The following ENTPD3 variants were observed in gnomAD, a reference collection of about 807,000 sequenced individuals.
ENTPD3 encodes the protein CD39 antigen-like 3.
ENTPD3 carries 60 observed loss-of-function variants against 51.2 expected under a neutral mutation model. The observed-to-expected ratio is 1.17, with a 90% CI of 0.95 to 1.45. ENTPD3 has a LOEUF of 1.45. Among genes scored for constraint, ENTPD3 ranks in the 40% most tolerant of loss-of-function variants. The probability of loss-of-function intolerance (pLI) is 0.00; values close to 1 mark genes in which losing one functional copy is unlikely to be tolerated. For missense variants in ENTPD3, 593 were observed against 641.1 expected (o/e 0.93, Z 0.81); for synonymous variants, 221 against 238.4 (o/e 0.93, Z 0.67).
intron 7 of ENTPD3, among the ~76,000 whole-genome samples, chr3:40,421,384 T>C (rs1458241748): frequency 6.6e-6 from 1 of 152,154 alleles, no homozygotes; most frequent in African/African-American, 2.4e-5. Flanking sequence ...TTGAACATAG[T>C]TCAAATCCAA....
intron 3 of ENTPD3, among the ~76,000 whole-genome samples, chr3:40,397,524 CAT>C (rs1420460218): frequency 6.6e-6 from 1 of 151,024 alleles, no homozygotes; most frequent in Admixed American, 6.6e-5. Context: ...GATATGATAA[CAT>C]ATGTCTTATA....
chr3:40,393,166 A>T (rs1467292039), intron 3 of ENTPD3, among the ~76,000 whole-genome samples: 1 of 152,164 alleles, frequency 6.6e-6, no homozygotes, highest in Non-Finnish European at 1.5e-5. Context: ...GACAAGGGAA[A>T]GATGAAGCAA....
In ENTPD3 at chr3:40,423,873, C is replaced by G. The variant is rs1388559502; in HGVS notation, c.1263C>G (p.Tyr421Ter). 1 of 1,614,162 alleles carries G rather than the reference C, an allele frequency of 6.2e-7. No individual in the cohort carries two copies. Among genetic ancestry groups the G allele is most frequent in the Non-Finnish European group, 8.5e-7 (1 of 1,180,004 alleles). ...TTGATGAGGTATATGCCCGCTCTTACTGCTTCTCAGCCAACTACATCTACC... is the reference window on the plus strand; with the variant it reads ...TTGATGAGGTATATGCCCGCTCTTAGTGCTTCTCAGCCAACTACATCTACC... ...PKFDEVYARS[Y>*]CFSANYIYHL... is the part of the protein sequence containing the mutation. The change falls in exon 10 of 11, where the codon TAC (tyrosine) becomes TAG (stop). Residue 421 changes from tyrosine (Y) to a stop codon, truncating the protein, a stop_gained. Coordinates refer to ENST00000301825, the MANE Select transcript of ENTPD3 (RefSeq NM_001248.4). LOFTEE classifies it high-confidence loss of function.
intron 10 of ENTPD3, 95 bp from the exon 11 acceptor site, chr3:40,427,176 TG>T: frequency 9.9e-7 from 1 of 1,007,510 alleles, no homozygotes; most frequent in Non-Finnish European, 1.5e-6. Flanking sequence ...CAATTTCCCA[TG>T]GGAGCTTTGT....
rs370566412 is a variant in ENTPD3, at chr3:40,411,980, C to T, written c.437+18C>T. ...TTGCTGAGGTAAAGGCTAAGTGGCACAAAGGAGCCCATTTGACCAAAATAA... is the reference window on the plus strand; with the variant it reads ...TTGCTGAGGTAAAGGCTAAGTGGCATAAAGGAGCCCATTTGACCAAAATAA... On this transcript the variant is annotated intron_variant, in intron 5 of 10. Coordinates refer to ENST00000301825, the MANE Select transcript of ENTPD3 (RefSeq NM_001248.4). 1.1e-5 allele frequency: 18 copies of T among 1,600,278 alleles called. No individual in the cohort carries two copies. Among genetic ancestry groups the T allele is most frequent in the Admixed American group, 1.7e-5 (1 of 57,560 alleles).
chr3:40,411,962 G>T lies in ENTPD3; in HGVS notation c.437G>T (p.Arg146Met). The T allele has an allele frequency of 1.9e-6, 3 of 1,608,850 alleles. No individual in the cohort carries two copies. Among genetic ancestry groups the T allele is most frequent in the Non-Finnish European group, 2.5e-6 (3 of 1,177,922 alleles). The stretch of plus-strand genomic sequence containing the variant: ...GCCACGGCTGGGATGCGCTTGCTGA[G>T]GTAAAGGCTAAGTGGCACAAAGGAG... ...LGATAGMRLL[R>M]LQNETAANEV... Residue 146 changes from arginine (R) to methionine (M), a missense_variant and splice_region_variant, in exon 5 of 11, where the codon AGG becomes ATG. By Grantham distance (91) the Arg-to-Met change is moderately conservative. Transcript: ENST00000301825.
chr3:40,415,330 A>G (rs1955721492), intron 6 of ENTPD3, among the ~76,000 whole-genome samples: 1 of 152,198 alleles, frequency 6.6e-6, no homozygotes, highest in Admixed American at 6.5e-5. Context: ...TCCAAGAGAC[A>G]ACTGCCATGT....
At position 40,392,148 on chromosome 3, in the gene ENTPD3, A is replaced by C; in HGVS notation, c.166A>C (p.Lys56Gln). The part of the protein sequence containing the change: ...HKQEVLPPGL[K>Q]YGIVLDAGSS... Reference sequence around the variant, plus strand: ...GCAAGAGGTCCTCCCTCCAGGACTGAAGGTAAGTGTGAAGGGACTGGCAAC... The same window carrying C: ...GCAAGAGGTCCTCCCTCCAGGACTGCAGGTAAGTGTGAAGGGACTGGCAAC... The change falls in exon 3 of 11, where the codon AAG becomes CAG. Residue 56 changes from lysine to glutamine, a missense_variant and splice_region_variant. Physicochemically the swap from Lys to Gln is moderately conservative, Grantham distance 53. Coordinates refer to ENST00000301825, the MANE Select transcript of ENTPD3 (RefSeq NM_001248.4). The C allele has an allele frequency of 1.2e-6, 2 of 1,613,962 alleles. No individual in the cohort carries two copies. Among genetic ancestry groups the C allele is most frequent in the East Asian group, 2.2e-5 (1 of 44,876 alleles).
chr3:40,390,727 C>T (rs1300366519), intron 2 of ENTPD3, among the ~76,000 whole-genome samples: 1 of 152,066 alleles, frequency 6.6e-6, no homozygotes, highest in African/African-American at 2.4e-5. Flanking sequence ...TTCAAGTTTT[C>T]TCCAAAGGAC....
chr3:40,427,290 G>GCC lies in ENTPD3; in HGVS notation c.1373_1374dup (p.Trp459ProfsTer10). 6.2e-7 allele frequency: 1 copy of GCC among 1,614,098 alleles called. No homozygotes were observed. ...TCCACAGGTGGGGAATAGCAGCATAGCCTGGTCTCTTGGCTACATGCTCAG... is the reference window on the plus strand; with the variant it reads ...TCCACAGGTGGGGAATAGCAGCATAGCCCCTGGTCTCTTGGCTACATGCTCAG... On this transcript the variant is annotated frameshift_variant, in exon 11 of 11. Transcript: ENST00000301825. LOFTEE classifies it low-confidence loss of function (END_TRUNC).
chr3:40,411,646 A>G (rs1955633010), intron 4 of ENTPD3, among the ~76,000 whole-genome samples, 166 bp from the exon 5 acceptor site: 1 of 152,156 alleles, frequency 6.6e-6, no homozygotes, highest in Non-Finnish European at 1.5e-5. Context: ...TAGAGGTTGC[A>G]AGTATACTGA....
intron 3 of ENTPD3, among the ~76,000 whole-genome samples, chr3:40,396,446 C>T (rs1362973101): frequency 6.6e-6 from 1 of 152,146 alleles, no homozygotes; most frequent in Non-Finnish European, 1.5e-5. Flanking sequence ...GCCAGCTCTA[C>T]AACAGCCTGT....
At chr3:40,414,866 T>G in intron 6 of ENTPD3, 26 bp downstream of exon 6, 2 of 1,612,540 alleles carry the variant, frequency 1.2e-6, no homozygotes, top group Non-Finnish European at 1.7e-6. Context: ...TGCATGGTTT[T>G]TAATCTTACT....
chr3:40,395,061 AC>A (rs947677454), intron 3 of ENTPD3, among the ~76,000 whole-genome samples: 3 of 152,228 alleles, frequency 2.0e-5, no homozygotes, highest in African/African-American at 7.2e-5. Context: ...GCAGCTGCTT[AC>A]AGGGAGTGTA....
At chr3:40,423,443 A>G (rs1205474562) in intron 9 of ENTPD3, 42 bp downstream of exon 9, 2 of 1,322,786 alleles carry the variant, frequency 1.5e-6, no homozygotes, top group South Asian at 2.4e-5. Context: ...GTACAAAAAA[A>G]TATGGTAGAA....
At chr3:40,397,707 T>C (rs1264871661) in intron 3 of ENTPD3, among the ~76,000 whole-genome samples, 1 of 152,196 alleles carries the variant, frequency 6.6e-6, no homozygotes, top group Non-Finnish European at 1.5e-5. Context: ...CACACAATCC[T>C]TAAGTGTTGG....
intron 7 of ENTPD3, among the ~76,000 whole-genome samples, chr3:40,416,866 C>T (rs2125606563): frequency 6.6e-6 from 1 of 152,270 alleles, no homozygotes; most frequent in Non-Finnish European, 1.5e-5. Flanking sequence ...GCAGGGGAAT[C>T]AGCCTATGAA....
intron 7 of ENTPD3, among the ~76,000 whole-genome samples, chr3:40,422,311 T>A (rs1955892517): frequency 7.3e-6 from 1 of 136,922 alleles, no homozygotes; most frequent in Admixed American, 8.4e-5. Flanking sequence ...AAAAGTGGTT[T>A]CTAATACCTT....
chr3:40,412,635 G>A (rs1280250606), intron 5 of ENTPD3, among the ~76,000 whole-genome samples: 1 of 152,168 alleles, frequency 6.6e-6, no homozygotes, highest in African/African-American at 2.4e-5. Context: ...TACTCCAAGT[G>A]TTGGAATAAG....
Sources: gnomAD v4.1 joint callset for allele counts (sites outside exome capture counted in the v4.1 genomes callset) on GRCh38, gnomAD v4.1.1 for gene constraint, MANE v1.5 for transcripts, NCBI Gene and HGNC (gene_info 2026-07-23, HGNC 2026-07-21) for gene names.